The following GAPVD1 variants were observed in gnomAD, a reference collection of about 807,000 sequenced individuals.
The protein encoded by GAPVD1 is GTPase activating protein and VPS9 domains 1.
In GAPVD1, 35 loss-of-function variants were observed where a neutral mutation model predicts 155.5. The observed-to-expected ratio is 0.23, with a 90% CI of 0.17 to 0.30. The LOEUF is 0.30. GAPVD1 is among the 10% of genes least tolerant of loss of function. The pLI is 1.00. For missense variants in GAPVD1, 1,429 were observed against 1,775.7 expected, an observed-to-expected ratio of 0.80 and a Z score of 3.51; for synonymous variants, 636 against 619.7, an observed-to-expected ratio of 1.03 and a Z score of -0.39.
At chr9:125,343,135 C>T (rs1037492798) in intron 19 of GAPVD1, among the ~76,000 whole-genome samples, 1 of 151,854 alleles carries the variant, frequency 6.6e-6, no homozygotes, top group African/African-American at 2.4e-5. Flanking sequence ...AGGACAGCTT[C>T]GAATGCAGCC....
At chr9:125,293,965 T>C (rs1839411674) in intron 2 of GAPVD1, among the ~76,000 whole-genome samples, 1 of 144,832 alleles carries the variant, frequency 6.9e-6, no homozygotes, top group African/African-American at 2.5e-5. Context: ...CAGTCTGGAG[T>C]GCAGTGGTAC....
chr9:125,290,897 T>C (rs1369950957), intron 2 of GAPVD1, among the ~76,000 whole-genome samples: 3 of 148,658 alleles, frequency 2.0e-5, no homozygotes, highest in African/African-American at 7.5e-5. Flanking sequence ...GATGCTGAGG[T>C]AGAAGGATTG....
intron 5 of GAPVD1, 63 bp from the exon 6 acceptor site, chr9:125,305,000 A>C: frequency 2.9e-6 from 3 of 1,033,538 alleles, no homozygotes; most frequent in South Asian, 1.3e-5. Flanking sequence ...TTGCTTTCAT[A>C]GAGACGTATT....
intron 9 of GAPVD1, among the ~76,000 whole-genome samples, chr9:125,316,398 C>T (rs1250923986): frequency 1.3e-5 from 2 of 152,020 alleles, no homozygotes; most frequent in Non-Finnish European, 2.9e-5. Context: ...TCTCATTGTT[C>T]AACTCCCACT....
At chr9:125,298,324 C>T (rs888213672) in intron 3 of GAPVD1, among the ~76,000 whole-genome samples, 1 of 152,106 alleles carries the variant, frequency 6.6e-6, no homozygotes, top group Non-Finnish European at 1.5e-5. Flanking sequence ...GGGTTTACAG[C>T]ACCTGTCTCT....
intron 23 of GAPVD1, among the ~76,000 whole-genome samples, chr9:125,351,750 T>G (rs1265101509): frequency 1.3e-5 from 2 of 151,850 alleles, no homozygotes; most frequent in Non-Finnish European, 2.9e-5. Flanking sequence ...CTTTTTTTTT[T>G]TTCCCCCGAG....
intron 16 of GAPVD1, 49 bp from the exon 17 acceptor site, chr9:125,337,172 G>T (rs1319049685): frequency 6.2e-7 from 1 of 1,610,700 alleles, no homozygotes; most frequent in South Asian, 1.1e-5. Flanking sequence ...TAATGCCTTT[G>T]TTAGATATGT....
intron 8 of GAPVD1, chr9:125,308,768 C>G (rs147282793): frequency 1.3e-5 from 2 of 152,242 alleles, no homozygotes; most frequent in East Asian, 3.9e-4. Context: ...ATACAAAGAC[C>G]ATTAGGACCT....
intron 6 of GAPVD1, among the ~76,000 whole-genome samples, 160 bp downstream of exon 6, chr9:125,305,309 G>A (rs1841591016): frequency 1.3e-5 from 2 of 151,548 alleles, no homozygotes; most frequent in Admixed American, 1.3e-4. Flanking sequence ...TCCCACAGAT[G>A]TATTGAGGAG....
chr9:125,304,226 T>C (rs1433937490), intron 5 of GAPVD1, among the ~76,000 whole-genome samples: 1 of 152,142 alleles, frequency 6.6e-6, no homozygotes, highest in African/African-American at 2.4e-5. Flanking sequence ...ACCTCGCTCA[T>C]TTAAAAAATG....
intron 4 of GAPVD1, among the ~76,000 whole-genome samples, chr9:125,300,809 T>C: frequency 6.9e-6 from 1 of 145,366 alleles, no homozygotes; most frequent in South Asian, 2.2e-4. Context: ...AAAATGAGTT[T>C]AAAAAAAAAA....
At chr9:125,361,965 G>A (rs1850983546) in intron 27 of GAPVD1, among the ~76,000 whole-genome samples, 1 of 152,154 alleles carries the variant, frequency 6.6e-6, no homozygotes, top group African/African-American at 2.4e-5. Flanking sequence ...TAGCTTGGAG[G>A]GAGAAACCCA....
At chr9:125,336,104 CA>C (rs1846895048) in intron 15 of GAPVD1, among the ~76,000 whole-genome samples, 1 of 148,982 alleles carries the variant, frequency 6.7e-6, no homozygotes. Context: ...ATGTTTGCAC[CA>C]CTGCACTCCA....
chr9:125,305,020 C>A lies in GAPVD1; in HGVS notation c.1030-43C>A, dbSNP rs752302878. ...TTCATAGAGACGTATTTGTGAGTAT[C>A]TGTCTGTAGCTTATGTCTCCCTACC... On this transcript the variant is annotated intron_variant, in intron 5 of 27. Transcript: ENST00000297933. 1.2e-5 allele frequency: 15 copies of A among 1,254,864 alleles called. No individual in the cohort carries two copies. The South Asian group carries it at 1.4e-4, about 12-fold the overall frequency. 77.7% of individuals were successfully genotyped at this position (1,254,864 alleles called of 1,614,324 possible). A position where few individuals can be genotyped will look rare whatever the true frequency, so the allele number is the denominator to read the frequency against.
At chr9:125,335,941 C>T (rs10986709) in intron 15 of GAPVD1, among the ~76,000 whole-genome samples, 1 of 151,734 alleles carries the variant, frequency 6.6e-6, no homozygotes, top group African/African-American at 2.4e-5. Context: ...GTGCTTGAGC[C>T]TAGGAGTTCA....
intron 20 of GAPVD1, 43 bp downstream of exon 20, chr9:125,346,984 A>C: frequency 6.3e-7 from 1 of 1,597,320 alleles, no homozygotes; most frequent in Non-Finnish European, 8.6e-7. Flanking sequence ...CTTTTATATC[A>C]TAGTGATAAA....
chr9:125,276,442 A>G (rs959101289), intron 2 of GAPVD1, among the ~76,000 whole-genome samples: 2 of 152,220 alleles, frequency 1.3e-5, no homozygotes, highest in Admixed American at 1.3e-4. Context: ...CTGTAATCCC[A>G]GCACTTTGGG....
At chr9:125,347,051 C>A in intron 20 of GAPVD1, 110 bp downstream of exon 20, 1 of 1,057,810 alleles carries the variant, frequency 9.5e-7, no homozygotes, top group Non-Finnish European at 1.4e-6. Context: ...AGTCAGTTTA[C>A]TACCTCAAAA....
rs183260828 is a variant in GAPVD1 at position 125,263,908 on chromosome 9, A to T, written c.-199+1949A>T. 498 of 1,439,694 alleles carry T rather than the reference A, an allele frequency of 3.5e-4. 2 individuals are homozygous for T. The East Asian group carries it at 0.011, about 31-fold the overall frequency. The allele number at this position is 1,439,694 out of a possible 1,614,324, so 89.2% of individuals were successfully genotyped here. A position where few individuals can be genotyped will look rare whatever the true frequency, so the allele number is the denominator to read the frequency against. ...CCTCATTGGTAAGGTACCAGTAGAA[A>T]TGTCTCCAGGCAAACTGTTCCTTCA... is the stretch of plus-strand genomic sequence containing the variant. On this transcript the variant is annotated intron_variant, in intron 1 of 27. Transcript: ENST00000297933.
Sources: gnomAD v4.1 joint callset for allele counts (sites outside exome capture counted in the v4.1 genomes callset) on GRCh38, gnomAD v4.1.1 for gene constraint, MANE v1.5 for transcripts, NCBI Gene and HGNC (gene_info 2026-07-23, HGNC 2026-07-21) for gene names.